The following PAPPA variants were observed in gnomAD, a reference collection of about 807,000 sequenced individuals.
PAPPA encodes the protein pappalysin-1.
A neutral mutation model predicts 164.0 loss-of-function variants in PAPPA; 60 were observed. That is an observed-to-expected ratio of 0.37 (90% CI 0.30 to 0.45). The LOEUF (loss-of-function observed/expected upper bound fraction) is 0.45. Ranked by LOEUF, PAPPA falls within the 20% of genes least tolerant of loss-of-function variation. The probability of loss-of-function intolerance (pLI) is 1.00; values close to 1 mark genes in which losing one functional copy is unlikely to be tolerated. For synonymous variants in PAPPA, 875 were observed against 814.1 expected, an observed-to-expected ratio of 1.07 and a Z score of -1.27; for missense variants, 1,782 against 2,087.3, an observed-to-expected ratio of 0.85 and a Z score of 2.85.
At chr9:116,386,417 A>G (rs1846812616) in intron 21 of PAPPA, among the ~76,000 whole-genome samples, 1 of 152,176 alleles carries the variant, frequency 6.6e-6, no homozygotes, top group Non-Finnish European at 1.5e-5. Flanking sequence ...TAAGTGAACT[A>G]TTGCATATTT....
intron 9 of PAPPA, among the ~76,000 whole-genome samples, chr9:116,297,439 G>A (rs755307639): frequency 4.9e-4 from 75 of 152,228 alleles, no homozygotes; most frequent in Admixed American, 1.3e-3. Context: ...GAGAAGACAC[G>A]AATAATTTAA....
At chr9:116,175,768 T>C (rs1210659441) in intron 1 of PAPPA, among the ~76,000 whole-genome samples, 1 of 152,112 alleles carries the variant, frequency 6.6e-6, no homozygotes, top group Non-Finnish European at 1.5e-5. Flanking sequence ...TCTGTTCTTA[T>C]GAGGCTTACA....
intron 13 of PAPPA, 72 bp from the exon 14 acceptor site, chr9:116,344,471 C>A (rs2118976294): frequency 6.8e-7 from 1 of 1,470,932 alleles, no homozygotes; most frequent in African/African-American, 1.4e-5. Context: ...AGGCTCTTAG[C>A]CTTTATCTTC....
At chr9:116,357,558 T>A (rs763902079) in intron 17 of PAPPA, among the ~76,000 whole-genome samples, 1 of 152,068 alleles carries the variant, frequency 6.6e-6, no homozygotes, top group Non-Finnish European at 1.5e-5. Flanking sequence ...AGAGAGCAGG[T>A]GATGTTCTTT....
chr9:116,301,105 T>G (rs1845574827), intron 9 of PAPPA, among the ~76,000 whole-genome samples: 1 of 151,952 alleles, frequency 6.6e-6, no homozygotes, highest in Admixed American at 6.6e-5. Flanking sequence ...AGAGCTCCAC[T>G]CTATTATTTT....
intron 21 of PAPPA, among the ~76,000 whole-genome samples, chr9:116,393,496 C>G (rs904366296): frequency 1.3e-5 from 2 of 152,112 alleles, no homozygotes; most frequent in Admixed American, 1.3e-4. Flanking sequence ...ATGGTCCCTG[C>G]CCAGAGTGAG....
intron 18 of PAPPA, among the ~76,000 whole-genome samples, 191 bp downstream of exon 18, chr9:116,362,930 T>C (rs949449951): frequency 7.2e-5 from 11 of 152,124 alleles, no homozygotes; most frequent in African/African-American, 2.7e-4. Context: ...GGTGACACAA[T>C]GGTGGGTGAG....
chr9:116,361,692 C>A (rs544901950), intron 17 of PAPPA, among the ~76,000 whole-genome samples: 1 of 152,264 alleles, frequency 6.6e-6, no homozygotes, highest in South Asian at 2.1e-4. Context: ...ATTTGCCCTG[C>A]CTCACTGAAC....
At chr9:116,383,538 A>T (rs1588029756) in intron 21 of PAPPA, among the ~76,000 whole-genome samples, 1 of 57,530 alleles carries the variant, frequency 1.7e-5, no homozygotes, top group African/African-American at 5.8e-5. Flanking sequence ...GAATGATAGA[A>T]AGAGTGAGGT....
chr9:116,303,872 C>T (rs533231400), intron 10 of PAPPA, among the ~76,000 whole-genome samples: 2 of 152,200 alleles, frequency 1.3e-5, no homozygotes, highest in East Asian at 1.9e-4. Flanking sequence ...AATAGGACTA[C>T]CTCATTTTTA....
At chr9:116,182,477 A>G (rs966882884) in intron 1 of PAPPA, among the ~76,000 whole-genome samples, 2 of 152,174 alleles carry the variant, frequency 1.3e-5, no homozygotes, top group Non-Finnish European at 2.9e-5. Flanking sequence ...ATGAATATAC[A>G]GGAGGAAGAT....
chr9:116,254,342 A>G (rs1404186689), intron 7 of PAPPA, among the ~76,000 whole-genome samples: 5 of 152,148 alleles, frequency 3.3e-5, no homozygotes, highest in Admixed American at 2.6e-4. Flanking sequence ...AAATAATCAA[A>G]CCATAAATAT....
chr9:116,244,259 T>C (rs1312959256), intron 7 of PAPPA, among the ~76,000 whole-genome samples: 2 of 152,172 alleles, frequency 1.3e-5, no homozygotes, highest in African/African-American at 4.8e-5. Flanking sequence ...ATTGCTTATA[T>C]AAACTTTTAT....
rs1336334464 is a variant in PAPPA at position 116,400,244 on chromosome 9, A to G, written c.*3628A>G. 2 of 152,230 alleles carry G rather than the reference A, an allele frequency of 1.3e-5. No homozygotes were observed. The highest frequency in any genetic ancestry group is 2.9e-5 in the Non-Finnish European group (2 of 68,040). The allele number at this position is 152,230 out of a possible 1,614,324, so 9.4% of individuals were successfully genotyped here. On this transcript the variant is annotated 3_prime_UTR_variant, in exon 22 of 22. Transcript: ENST00000328252. ...AAAAAACCTATTTTTATGTTTCCTAAAGGAAATTGTTTATTCTACAGCCTC... is the reference window on the plus strand; with the variant it reads ...AAAAAACCTATTTTTATGTTTCCTAGAGGAAATTGTTTATTCTACAGCCTC...
At chr9:116,349,129 C>A (rs1351279408) in intron 15 of PAPPA, among the ~76,000 whole-genome samples, 1 of 150,086 alleles carries the variant, frequency 6.7e-6, no homozygotes, top group Non-Finnish European at 1.5e-5. Context: ...AAGTCTACCC[C>A]CCTGCTCCTT....
chr9:116,194,168 A>C (rs1421832974), intron 2 of PAPPA, among the ~76,000 whole-genome samples: 2 of 152,210 alleles, frequency 1.3e-5, no homozygotes, highest in East Asian at 3.9e-4. Context: ...ATTCAGGTGA[A>C]ACAGATTCTA....
chr9:116,307,533 C>T (rs551022928), intron 10 of PAPPA, among the ~76,000 whole-genome samples: 5 of 152,006 alleles, frequency 3.3e-5, no homozygotes, highest in South Asian at 4.2e-4. Context: ...CCGGTTCAAG[C>T]GGTTGCAGTG....
At chr9:116,186,717 C>A (rs1367278329) in intron 1 of PAPPA, among the ~76,000 whole-genome samples, 1 of 152,144 alleles carries the variant, frequency 6.6e-6, no homozygotes, top group Non-Finnish European at 1.5e-5. Flanking sequence ...ACCTCGTATA[C>A]TATATTACAC....
chr9:116,339,183 T>C (rs751952822), intron 13 of PAPPA, among the ~76,000 whole-genome samples: 18 of 152,198 alleles, frequency 1.2e-4, no homozygotes, highest in Non-Finnish European at 2.4e-4. Context: ...TTATCTCCTT[T>C]AATTAGTTGC....
Sources: allele counts gnomAD v4.1 joint callset (sites outside exome capture counted in the v4.1 genomes callset), GRCh38; gene constraint gnomAD v4.1.1; transcripts MANE v1.5; gene names NCBI Gene and HGNC (gene_info 2026-07-23, HGNC 2026-07-21).